STRBP: variants seen among roughly 807,000 people sequenced by gnomAD.
STRBP encodes the protein spermatid perinuclear RNA binding protein, also known as spermatid perinuclear RNA-binding protein.
STRBP carries 13 observed loss-of-function variants against 80.1 expected under a neutral mutation model. That is an observed-to-expected ratio of 0.16 (90% CI 0.11 to 0.26). The LOEUF (loss-of-function observed/expected upper bound fraction) is 0.26, where lower values mean the gene tolerates loss of function less well. Among genes scored for constraint, STRBP ranks in the 10% least tolerant of loss-of-function variants. STRBP has a pLI of 1.00. For missense variants in STRBP, 485 were observed against 815.2 expected (o/e 0.59, Z 4.93); for synonymous variants, 284 against 291.2 (o/e 0.98, Z 0.25).
At chr9:123,145,430 T>C (rs889767363) in intron 13 of STRBP, among the ~76,000 whole-genome samples, 2 of 152,180 alleles carry the variant, frequency 1.3e-5, no homozygotes, top group African/African-American at 4.8e-5. Flanking sequence ...TTTTACTGAA[T>C]TGGAATTTGC....
intron 2 of STRBP, among the ~76,000 whole-genome samples, chr9:123,219,403 T>C (rs868661413): frequency 6.6e-5 from 10 of 152,210 alleles, no homozygotes; most frequent in African/African-American, 1.4e-4. Flanking sequence ...ATCCAGCCAA[T>C]TGTAAAATTC....
intron 11 of STRBP, among the ~76,000 whole-genome samples, chr9:123,149,266 A>G (rs1421659874): frequency 2.0e-5 from 3 of 152,210 alleles, no homozygotes; most frequent in Non-Finnish European, 2.9e-5. Context: ...AGGTTAATCA[A>G]TCTTGATGTT....
chr9:123,168,593 C>T (rs573003062), intron 6 of STRBP, among the ~76,000 whole-genome samples: 1 of 152,212 alleles, frequency 6.6e-6, no homozygotes, highest in East Asian at 1.9e-4. Context: ...AGAAACTGAC[C>T]AATATTTACT....
intron 11 of STRBP, among the ~76,000 whole-genome samples, chr9:123,153,585 G>A (rs2037152676): frequency 6.6e-6 from 1 of 152,212 alleles, no homozygotes; most frequent in African/African-American, 2.4e-5. Flanking sequence ...CCTGGCCTGA[G>A]CAAACGGAGA....
intron 11 of STRBP, among the ~76,000 whole-genome samples, chr9:123,157,683 G>A (rs936599167): frequency 6.6e-6 from 1 of 152,036 alleles, no homozygotes; most frequent in African/African-American, 2.4e-5. Flanking sequence ...GGTGGCAGAC[G>A]TGCAGAGTGA....
intron 16 of STRBP, among the ~76,000 whole-genome samples, chr9:123,134,736 T>C (rs2036284898): frequency 6.6e-6 from 1 of 152,168 alleles, no homozygotes; most frequent in Non-Finnish European, 1.5e-5. Flanking sequence ...TAATAAATAT[T>C]TGCACATGGG....
chr9:123,153,625 T>C (rs1011421551), intron 11 of STRBP, among the ~76,000 whole-genome samples: 4 of 152,110 alleles, frequency 2.6e-5, no homozygotes, highest in African/African-American at 7.2e-5. Flanking sequence ...GGGATAACTA[T>C]AGAAAGAGAA....
intron 6 of STRBP, among the ~76,000 whole-genome samples, chr9:123,164,016 A>G (rs1219479761): frequency 6.6e-6 from 1 of 152,088 alleles, no homozygotes; most frequent in African/African-American, 2.4e-5. Flanking sequence ...AAAGCAAAGA[A>G]ATATAGCATT....
chr9:123,121,947 C>CCA lies in STRBP; in HGVS notation c.*3649_*3650insTG, dbSNP rs1444199447. 3.2e-5 allele frequency: 1 copy of CCA among 31,656 alleles called. No individual in the cohort carries two copies. Among genetic ancestry groups the CCA allele is most frequent in the African/African-American group, 7.0e-5 (1 of 14,300 alleles). 2.0% of individuals were successfully genotyped at this position (31,656 alleles called of 1,614,324 possible). The stretch of plus-strand genomic sequence containing the variant: ...TACATACGTGTTATATCCTAAGTTT[C>CCA]TACACACACACACACACACACACAC... On this transcript the variant is annotated 3_prime_UTR_variant, in exon 19 of 19. Coordinates refer to ENST00000348403, the MANE Select transcript of STRBP (RefSeq NM_018387.5).
intron 2 of STRBP, among the ~76,000 whole-genome samples, chr9:123,210,828 C>CA (rs36057301): frequency 0.4 from 55,852 of 138,790 alleles, 17,181 homozygotes; most frequent in African/African-American, 0.83. Flanking sequence ...GAATCCGTTT[C>CA]AAAAAAAAAA....
At chr9:123,203,132 C>A (rs2039386948) in intron 2 of STRBP, among the ~76,000 whole-genome samples, 1 of 151,988 alleles carries the variant, frequency 6.6e-6, no homozygotes, top group Admixed American at 6.6e-5. Flanking sequence ...GATGGGAGGA[C>A]TGCTTGAGGC....
chr9:123,237,585 G>A (rs549354239), intron 1 of STRBP, among the ~76,000 whole-genome samples: 2 of 151,730 alleles, frequency 1.3e-5, no homozygotes, highest in Admixed American at 1.3e-4. Flanking sequence ...CTTGAAAGCT[G>A]TGCATTCGAG....
chr9:123,200,747 T>TTTTTTTTTTC (rs2132508100), intron 2 of STRBP, among the ~76,000 whole-genome samples: 1 of 106,892 alleles, frequency 9.4e-6, no homozygotes, highest in East Asian at 2.5e-4. Flanking sequence ...TTTTTTTTTT[T>TTTTTTTTTTC]TTTTTTTTTT....
At chr9:123,212,280 T>C (rs567239769) in intron 2 of STRBP, among the ~76,000 whole-genome samples, 1 of 152,324 alleles carries the variant, frequency 6.6e-6, no homozygotes, top group South Asian at 2.1e-4. Flanking sequence ...CAGAACTTTA[T>C]ATTCACCTAC....
chr9:123,215,654 G>A (rs559471921), intron 2 of STRBP, among the ~76,000 whole-genome samples: 129 of 152,216 alleles, frequency 8.5e-4, no homozygotes, highest in Non-Finnish European at 1.5e-3. Context: ...GTGTGGTGAT[G>A]CGTGCCTATA....
chr9:123,262,898 T>C (rs181577385), intron 1 of STRBP, among the ~76,000 whole-genome samples: 42 of 152,356 alleles, frequency 2.8e-4, no homozygotes, highest in Non-Finnish European at 5.4e-4. Flanking sequence ...TTAACACAAC[T>C]TTCAGGCTCA....
chr9:123,111,890 C>T (rs748484736), intron 3 of STRBP: 9 of 215,164 alleles, frequency 4.2e-5, no homozygotes, highest in Admixed American at 1.3e-4. Flanking sequence ...AGAGGGAGCC[C>T]GACAAGTCTA....
intron 2 of STRBP, among the ~76,000 whole-genome samples, chr9:123,203,988 A>AAAAC (rs71960622): frequency 4.6e-5 from 7 of 151,382 alleles, no homozygotes; most frequent in South Asian, 2.1e-4. Flanking sequence ...ACAAAAAAAC[A>AAAAC]AAACAAACAA....
chr9:123,249,149 A>C (rs964324101), intron 1 of STRBP, among the ~76,000 whole-genome samples: 1 of 152,230 alleles, frequency 6.6e-6, no homozygotes, highest in African/African-American at 2.4e-5. Flanking sequence ...AGGCTGAGAC[A>C]GGAGGATCAC....
Sources: gnomAD v4.1 joint callset for allele counts (sites outside exome capture counted in the v4.1 genomes callset) on GRCh38, gnomAD v4.1.1 for gene constraint, MANE v1.5 for transcripts, NCBI Gene and HGNC (gene_info 2026-07-23, HGNC 2026-07-21) for gene names.